CEACAM18: variants seen among roughly 807,000 people sequenced by gnomAD.
CEACAM18 encodes the protein CEA cell adhesion molecule 18, also known as cell adhesion molecule CEACAM18.
CEACAM18 carries 33 observed loss-of-function variants against 34.3 expected under a neutral mutation model. That is an observed-to-expected ratio of 0.96 (90% CI 0.73 to 1.29). The LOEUF (loss-of-function observed/expected upper bound fraction) is 1.29. Ranked by LOEUF, CEACAM18 falls within the 50% of genes most tolerant of loss-of-function variation. CEACAM18 has a pLI of 0.00. For synonymous variants in CEACAM18, 169 were observed against 180.9 expected, an observed-to-expected ratio of 0.93 and a Z score of 0.53; for missense variants, 474 against 485.0, an observed-to-expected ratio of 0.98 and a Z score of 0.21.
chr19:51,481,303 T>C, intron 2 of CEACAM18, 90 bp from the exon 3 acceptor site: 3 of 1,414,670 alleles, frequency 2.1e-6, no homozygotes. Context: ...TTGGCTTCTC[T>C]CCAACATGCC....
At position 51,481,256 on chromosome 19, in the gene CEACAM18, C is replaced by G. The variant is rs1488519922; in HGVS notation, c.401-137C>G. On this transcript the variant is annotated intron_variant, in intron 2 of 5. Coordinates refer to ENST00000396477, the Ensembl canonical transcript of CEACAM18. ...GTGCCTATTCCTCTGCCCTTCTCAGCTCCCTTGCCAGGATGCCAGATCTTA... is the reference window on the plus strand; with the variant it reads ...GTGCCTATTCCTCTGCCCTTCTCAGGTCCCTTGCCAGGATGCCAGATCTTA... 3.1e-5 allele frequency: 29 copies of G among 933,040 alleles called. No individual in the cohort carries two copies. The Admixed American group carries it at 6.0e-4, about 19-fold the overall frequency. 57.8% of individuals were successfully genotyped at this position (933,040 alleles called of 1,614,324 possible).
chr19:51,483,636 G>A (rs911663866), intron 4 of CEACAM18, among the ~76,000 whole-genome samples: 1 of 152,230 alleles, frequency 6.6e-6, no homozygotes, highest in Non-Finnish European at 1.5e-5. Flanking sequence ...TTTGACAGGT[G>A]AGAAACTGAG....
intron 5 of CEACAM18, among the ~76,000 whole-genome samples, chr19:51,489,633 G>A (rs1414545217): frequency 1.3e-5 from 2 of 152,090 alleles, no homozygotes; most frequent in African/African-American, 4.8e-5. Flanking sequence ...TCACCAAGGA[G>A]CCTACAATGT....
intron 5 of CEACAM18, among the ~76,000 whole-genome samples, chr19:51,485,766 C>T (rs1354244908): frequency 6.6e-6 from 1 of 152,194 alleles, no homozygotes; most frequent in African/African-American, 2.4e-5. Context: ...GCATTGGGAC[C>T]ATAATTCTCT....
chr19:51,484,753 G>A (rs1472165400), intron 4 of CEACAM18, among the ~76,000 whole-genome samples: 1 of 102,982 alleles, frequency 9.7e-6, no homozygotes, highest in Non-Finnish European at 2.4e-5. Flanking sequence ...CTTGCAGTGT[G>A]AGACATCTCT....
intron 5 of CEACAM18, among the ~76,000 whole-genome samples, chr19:51,487,024 AT>A (rs199946268): frequency 0.012 from 1,768 of 152,088 alleles, 26 homozygotes; most frequent in African/African-American, 0.04. Flanking sequence ...GCCTGGCCTT[AT>A]TGAGCTAATT....
chr19:51,481,418 C>CG lies in CEACAM18; in HGVS notation c.427dup (p.Val143GlyfsTer16). The stretch of plus-strand genomic sequence containing the variant: ...AGTTGGGAAGCAATCTGGGCATCTC[C>CG]GTCAATGCCAGCTCCCTGGTGGAGA... On this transcript the variant is annotated frameshift_variant, in exon 3 of 6. Coordinates refer to ENST00000396477, the Ensembl canonical transcript of CEACAM18. LOFTEE classifies it high-confidence loss of function. 1.2e-6 allele frequency: 2 copies of CG among 1,613,906 alleles called. No individual in the cohort carries two copies. The highest frequency in any genetic ancestry group is 1.7e-6 in the Non-Finnish European group (2 of 1,179,858).
At chr19:51,488,461 G>A (rs1990038941) in intron 5 of CEACAM18, among the ~76,000 whole-genome samples, 1 of 152,230 alleles carries the variant, frequency 6.6e-6, no homozygotes, top group Non-Finnish European at 1.5e-5. Context: ...CTATCTCACT[G>A]TATGGTCAAT....
chr19:51,481,638 A>C, exon 3 of CEACAM18: 1 of 1,613,524 alleles, frequency 6.2e-7, no homozygotes, highest in Non-Finnish European at 8.5e-7. Context: ...CTTTCAGAGA[A>C]GTGAACGCAT....
chr19:51,481,947 G>A (rs545821302), intron 3 of CEACAM18, among the ~76,000 whole-genome samples: 20 of 152,250 alleles, frequency 1.3e-4, no homozygotes, highest in African/African-American at 3.4e-4. Flanking sequence ...GTCTGCTTTT[G>A]TGTAAAGAGG....
intron 5 of CEACAM18, among the ~76,000 whole-genome samples, chr19:51,490,215 C>G (rs563904129): frequency 2.0e-5 from 3 of 152,254 alleles, no homozygotes; most frequent in Admixed American, 6.5e-5. Flanking sequence ...AAAGATAACC[C>G]TGTCATAAGT....
chr19:51,489,384 C>T (rs906340943), intron 5 of CEACAM18, among the ~76,000 whole-genome samples: 22 of 151,742 alleles, frequency 1.4e-4, no homozygotes, highest in African/African-American at 5.1e-4. Flanking sequence ...TCCCCTTCTC[C>T]CTCCCCAAAA....
At chr19:51,478,967 C>T (rs1265563397) in intron 1 of CEACAM18, among the ~76,000 whole-genome samples, 1 of 151,490 alleles carries the variant, frequency 6.6e-6, no homozygotes, top group East Asian at 1.9e-4. Context: ...CACACACACA[C>T]GCGCGCACAC....
chr19:51,488,953 C>G (rs1410375073), intron 5 of CEACAM18, among the ~76,000 whole-genome samples: 1 of 151,594 alleles, frequency 6.6e-6, no homozygotes, highest in Non-Finnish European at 1.5e-5. Flanking sequence ...CAGTTTTTTT[C>G]CTTCTGATTT....
intron 1 of CEACAM18, 22 bp from the exon 2 acceptor site, chr19:51,480,311 C>A (rs1568522987): frequency 6.4e-7 from 1 of 1,550,844 alleles, no homozygotes; most frequent in Non-Finnish European, 8.8e-7. Flanking sequence ...TTCTCTCTGT[C>A]TTTTTTCCTT....
chr19:51,488,704 ATTCT>A (rs531170788), intron 5 of CEACAM18, among the ~76,000 whole-genome samples: 199 of 152,210 alleles, frequency 1.3e-3, no homozygotes, highest in Non-Finnish European at 2.2e-3. Flanking sequence ...CTGGAACCAC[ATTCT>A]TCACAAGGGC....
chr19:51,479,292 C>T (rs1989867263), intron 1 of CEACAM18, among the ~76,000 whole-genome samples: 1 of 152,256 alleles, frequency 6.6e-6, no homozygotes, highest in Non-Finnish European at 1.5e-5. Context: ...TTGGGGTTCA[C>T]AGGGCAGTGG....
chr19:51,481,308 C>A, intron 2 of CEACAM18, 85 bp from the exon 3 acceptor site: 1 of 1,434,784 alleles, frequency 7.0e-7, no homozygotes, highest in Non-Finnish European at 9.5e-7. Flanking sequence ...TTCTCTCCAA[C>A]ATGCCCAGAA....
chr19:51,478,984 A>G (rs949849100), intron 1 of CEACAM18, among the ~76,000 whole-genome samples: 31 of 151,080 alleles, frequency 2.1e-4, no homozygotes, highest in African/African-American at 6.9e-4. Context: ...ACACACAGAG[A>G]GAGAGAGAGA....
Sources: allele counts gnomAD v4.1 joint callset (sites outside exome capture counted in the v4.1 genomes callset), GRCh38; gene constraint gnomAD v4.1.1; transcripts MANE v1.5; gene names NCBI Gene and HGNC (gene_info 2026-07-23, HGNC 2026-07-21).